CRYZ: variants seen among roughly 807,000 people sequenced by gnomAD.
CRYZ encodes the protein zeta-crystallin.
A neutral mutation model predicts 34.1 loss-of-function variants in CRYZ; 35 were observed. The observed-to-expected ratio is 1.03, with a 90% CI of 0.78 to 1.36. CRYZ has a LOEUF of 1.36. CRYZ is among the 40% of genes most tolerant of loss of function. The probability of loss-of-function intolerance (pLI) is 0.00; values close to 1 mark genes in which losing one functional copy is unlikely to be tolerated. For synonymous variants in CRYZ, 137 were observed against 136.5 expected (o/e 1.00, Z -0.03); for missense variants, 403 against 391.8 (o/e 1.03, Z -0.24).
chr1:74,720,377 C>G (rs568950738), intron 3 of CRYZ, among the ~76,000 whole-genome samples: 1 of 152,248 alleles, frequency 6.6e-6, no homozygotes, highest in Non-Finnish European at 1.5e-5. Context: ...CAACAAATGT[C>G]TGCTGGACCT....
chr1:74,728,120 G>A (rs1398234528), intron 1 of CRYZ, among the ~76,000 whole-genome samples: 2 of 152,150 alleles, frequency 1.3e-5, no homozygotes, highest in Non-Finnish European at 2.9e-5. Context: ...TCTACAATTC[G>A]CTATTTCCTT....
In CRYZ at chr1:74,719,377, G is replaced by T. The variant is rs973305542; in HGVS notation, c.265-5C>A. The T allele has an allele frequency of 1.9e-6, 3 of 1,603,514 alleles. No individual in the cohort carries two copies. Among genetic ancestry groups the T allele is most frequent in the Non-Finnish European group, 2.6e-6 (3 of 1,172,352 alleles). On this transcript the variant is annotated splice_region_variant and splice_polypyrimidine_tract_variant and intron_variant, in intron 3 of 8. Transcript: ENST00000340866. The stretch of plus-strand genomic sequence containing the variant: ...AGTGAAAACTCTGTCACCTTTCTAG[G>T]GGAAGAGATAAATGAATAAATGCAG...
In CRYZ at chr1:74,719,209, C is replaced by G. The variant is rs767717411; in HGVS notation, c.428G>C (p.Ser143Thr). ...TAAAATTGACAGAATGTGTTATTACCTGTGGATCAGAGCTCGATAAGCAGT... is the reference window on the plus strand; with the variant it reads ...TAAAATTGACAGAATGTGTTATTACGTGTGGATCAGAGCTCGATAAGCAGT... The part of the protein sequence containing the change: ...YFTAYRALIH[S>T]ACVKAGESVL... The change falls in exon 4 of 9, where the codon AGT becomes ACT. Residue 143 changes from serine to threonine, a missense_variant and splice_region_variant. Ser to Thr is a moderately conservative substitution (Grantham distance 58). Transcript: ENST00000340866. The G allele has an allele frequency of 6.2e-7, 1 of 1,613,350 alleles. No individual in the cohort carries two copies. The highest frequency in any genetic ancestry group is 8.5e-7 in the Non-Finnish European group (1 of 1,179,406).
At chr1:74,721,721 C>G (rs376383281) in intron 3 of CRYZ, among the ~76,000 whole-genome samples, 1 of 152,290 alleles carries the variant, frequency 6.6e-6, no homozygotes, top group African/African-American at 2.4e-5. Flanking sequence ...GTCACCAAGA[C>G]AGTCACACAA....
At chr1:74,711,950 G>A (rs865782612) in intron 5 of CRYZ, among the ~76,000 whole-genome samples, 1 of 152,202 alleles carries the variant, frequency 6.6e-6, no homozygotes, top group African/African-American at 2.4e-5. Context: ...GGTGGCTCAT[G>A]CCTGTAATCC....
intron 1 of CRYZ, 60 bp from the exon 2 acceptor site, chr1:74,724,894 T>C (rs752042916): frequency 7.7e-5 from 78 of 1,014,358 alleles, no homozygotes; most frequent in Middle Eastern, 2.1e-4. Flanking sequence ...ACCATGTTTT[T>C]CCCCCCTGGA....
Position 74,707,001 on chromosome 1 carries a change from T to A in CRYZ, c.733-7A>T. On this transcript the variant is annotated splice_polypyrimidine_tract_variant and splice_region_variant and intron_variant, in intron 7 of 8. Transcript: ENST00000340866. Reference sequence around the variant, plus strand: ...TACCTCTGCTGCCAACAACCTAACATGAAAAACAGCAATTCTACAGTTAAA... The same window carrying A: ...TACCTCTGCTGCCAACAACCTAACAAGAAAAACAGCAATTCTACAGTTAAA... 1 of 1,609,060 alleles carries A rather than the reference T, an allele frequency of 6.2e-7. No homozygotes were observed. The highest frequency in any genetic ancestry group is 1.1e-5 in the South Asian group (1 of 90,788).
In CRYZ at chr1:74,710,266, C is replaced by A; in HGVS notation, c.481-19G>T. 7 of 1,611,800 alleles carry A rather than the reference C, an allele frequency of 4.3e-6. No individual in the cohort carries two copies. Among genetic ancestry groups the A allele is most frequent in the Non-Finnish European group, 5.9e-6 (7 of 1,178,714 alleles). On this transcript the variant is annotated intron_variant, in intron 5 of 8. Coordinates refer to ENST00000340866, the MANE Select transcript of CRYZ (RefSeq NM_001889.4). ...ATCCAACCTGAAAAACAAATATAAC[C>A]CAAGAGTTATATATTCTCTACACTC...
rs761787597 is a variant in CRYZ at position 74,723,200 on chromosome 1, C to G, written c.182G>C (p.Arg61Thr). ...ETYIRSGTYS[R>T]KPLLPYTPGS... ...AGGAGTATAGGGTAAGAGTGGTTTT[C>G]TACTATAAGTACCAGAGCGAATGTA... The change falls in exon 3 of 9, where the codon AGA becomes ACA. Residue 61 changes from arginine to threonine, a missense_variant. Physicochemically the swap from Arg to Thr is moderately conservative, Grantham distance 71. Coordinates refer to ENST00000340866, the MANE Select transcript of CRYZ (RefSeq NM_001889.4). The G allele has an allele frequency of 1.2e-6, 2 of 1,613,960 alleles. No individual in the cohort carries two copies. The highest frequency in any genetic ancestry group is 1.7e-6 in the Non-Finnish European group (2 of 1,179,960).
At position 74,706,431 on chromosome 1, in the gene CRYZ, G is replaced by C. The variant is rs775206043; in HGVS notation, c.855C>G (p.Ala285=). The part of the protein sequence containing the change: ...TKEEFQQYAA[A]LQAGMEIGWL... The stretch of plus-strand genomic sequence containing the variant: ...AGCCAATTTCCATTCCAGCTTGAAG[G>C]GCTGCTGCATATTGCTGAAATTCCT... Residue 285 remains alanine (A), a synonymous_variant, in exon 9 of 9, where the codon GCC becomes GCG. Coordinates refer to ENST00000340866, the MANE Select transcript of CRYZ (RefSeq NM_001889.4). The C allele has an allele frequency of 4.4e-6, 7 of 1,609,078 alleles. No individual in the cohort carries two copies. Among genetic ancestry groups the C allele is most frequent in the Non-Finnish European group, 5.1e-6 (6 of 1,178,450 alleles).
chr1:74,729,478 CAAA>C (rs5775262), intron 1 of CRYZ, among the ~76,000 whole-genome samples: 2 of 123,958 alleles, frequency 1.6e-5, no homozygotes, highest in Non-Finnish European at 3.3e-5. Flanking sequence ...GCCATCTCTA[CAAA>C]AAAAAAAAAA....
In CRYZ at chr1:74,719,373, C is replaced by T. The variant is rs139734636; in HGVS notation, c.265-1G>A. The T allele has an allele frequency of 9.3e-4, 1,492 of 1,606,500 alleles. 11 individuals carry two copies. The highest frequency in any genetic ancestry group is 1.8e-3 in the Middle Eastern group (11 of 6,028). On this transcript the variant is annotated splice_acceptor_variant, in intron 3 of 8. Coordinates refer to ENST00000340866, the MANE Select transcript of CRYZ (RefSeq NM_001889.4). LOFTEE classifies it high-confidence loss of function. Reference sequence around the variant, plus strand: ...TGCTAGTGAAAACTCTGTCACCTTTCTAGGGGAAGAGATAAATGAATAAAT... The same window carrying T: ...TGCTAGTGAAAACTCTGTCACCTTTTTAGGGGAAGAGATAAATGAATAAAT...
intron 3 of CRYZ, among the ~76,000 whole-genome samples, chr1:74,721,098 C>T (rs1006872279): frequency 6.6e-5 from 10 of 151,892 alleles, no homozygotes; most frequent in African/African-American, 4.8e-5. Flanking sequence ...GTTGGCCAAA[C>T]GATAGGGACA....
At chr1:74,717,106 G>C (rs28653708) in intron 4 of CRYZ, among the ~76,000 whole-genome samples, 2,156 of 151,780 alleles carry the variant, frequency 0.014, 25 homozygotes, top group East Asian at 0.056. Flanking sequence ...CCCTTTCTAG[G>C]TTTTACAGAT....
At chr1:74,723,019 G>T in intron 3 of CRYZ, 99 bp downstream of exon 3, 1 of 1,190,410 alleles carries the variant, frequency 8.4e-7, no homozygotes, top group Non-Finnish European at 1.2e-6. Flanking sequence ...TGTGTAATGG[G>T]GCCTTTTAAA....
chr1:74,713,463 G>T (rs1035539043), intron 5 of CRYZ, among the ~76,000 whole-genome samples: 1 of 152,074 alleles, frequency 6.6e-6, no homozygotes, highest in African/African-American at 2.4e-5. Context: ...TTTGGACAAG[G>T]TATATCTGTC....
At chr1:74,706,555 AAG>A in intron 8 of CRYZ, 98 bp from the exon 9 acceptor site, 2 of 1,113,632 alleles carry the variant, frequency 1.8e-6, no homozygotes, top group Non-Finnish European at 2.6e-6. Flanking sequence ...TTATACCATG[AAG>A]AGTCTCTTAC....
intron 6 of CRYZ, chr1:74,708,466 TAGCTC>T (rs1646959999): frequency 1.3e-5 from 2 of 152,240 alleles, no homozygotes; most frequent in South Asian, 2.1e-4. Context: ...AAGGGTGTAT[TAGCTC>T]AGTTATGAAT....
chr1:74,730,067 A>C (rs966848776), intron 1 of CRYZ, among the ~76,000 whole-genome samples: 2 of 152,126 alleles, frequency 1.3e-5, no homozygotes, highest in African/African-American at 4.8e-5. Context: ...TCTCATGATT[A>C]CCATAAAAAA....
Sources: allele counts gnomAD v4.1 joint callset (sites outside exome capture counted in the v4.1 genomes callset), GRCh38; gene constraint gnomAD v4.1.1; transcripts MANE v1.5; gene names NCBI Gene and HGNC (gene_info 2026-07-23, HGNC 2026-07-21).